The following CDH12 variants were observed in gnomAD, a reference collection of about 807,000 sequenced individuals.
CDH12 encodes the protein cadherin 12.
CDH12 carries 41 observed loss-of-function variants against 74.1 expected under a neutral mutation model. The ratio of observed to expected loss-of-function variants is 0.55; its 90% CI spans 0.43 to 0.72. The LOEUF (loss-of-function observed/expected upper bound fraction) is 0.72. CDH12 is among the 30% of genes least tolerant of loss of function. The pLI is 0.00. For synonymous variants in CDH12, 399 were observed against 355.0 expected, an observed-to-expected ratio of 1.12 and a Z score of -1.39; for missense variants, 945 against 977.2, an observed-to-expected ratio of 0.97 and a Z score of 0.44.
intron 1 of CDH12, among the ~76,000 whole-genome samples, chr5:22,565,296 A>C (rs575621079): frequency 1.6e-4 from 24 of 152,242 alleles, no homozygotes; most frequent in Admixed American, 1.2e-3. Context: ...TGATAGTTCT[A>C]GGTTTAGTTT....
intron 1 of CDH12, among the ~76,000 whole-genome samples, chr5:22,844,037 C>G (rs1482728198): frequency 6.6e-6 from 1 of 152,034 alleles, no homozygotes. Flanking sequence ...TATTTGTATA[C>G]AACCTGCCCA....
At chr5:21,888,803 T>C (rs1056383099) in intron 6 of CDH12, among the ~76,000 whole-genome samples, 1 of 152,028 alleles carries the variant, frequency 6.6e-6, no homozygotes, top group African/African-American at 2.4e-5. Flanking sequence ...TTTCTAAATA[T>C]TATTGATGTG....
At chr5:22,534,243 T>G (rs997681765) in intron 1 of CDH12, among the ~76,000 whole-genome samples, 2 of 152,014 alleles carry the variant, frequency 1.3e-5, no homozygotes, top group Admixed American at 1.3e-4. Flanking sequence ...ACAGGTGGTG[T>G]TTGGTTACAT....
chr5:21,874,202 G>T (rs1456844358), intron 6 of CDH12, among the ~76,000 whole-genome samples: 1 of 152,140 alleles, frequency 6.6e-6, no homozygotes, highest in African/African-American at 2.4e-5. Flanking sequence ...TTAAAAAGTG[G>T]TCAAAGGACA....
intron 6 of CDH12, among the ~76,000 whole-genome samples, chr5:21,947,438 G>A (rs980274410): frequency 1.3e-5 from 2 of 152,134 alleles, no homozygotes; most frequent in Non-Finnish European, 2.9e-5. Flanking sequence ...AGGTGGTCTT[G>A]GATGGAGAAG....
intron 1 of CDH12, among the ~76,000 whole-genome samples, chr5:22,545,553 A>G (rs749338072): frequency 3.9e-5 from 6 of 152,200 alleles, no homozygotes; most frequent in Non-Finnish European, 7.3e-5. Context: ...TGAAATAAGG[A>G]TACCAGCATT....
chr5:22,546,504 T>A (rs1042850394), intron 1 of CDH12, among the ~76,000 whole-genome samples: 1 of 152,212 alleles, frequency 6.6e-6, no homozygotes, highest in African/African-American at 2.4e-5. Flanking sequence ...ATTTAGATAA[T>A]GTTAGGCAAT....
intron 6 of CDH12, among the ~76,000 whole-genome samples, chr5:21,872,849 G>A (rs1217711073): frequency 7.7e-6 from 1 of 129,780 alleles, no homozygotes; most frequent in African/African-American, 2.9e-5. Context: ...ATTATCTATC[G>A]ATCTATCATC....
chr5:21,817,816 TAAGA>T (rs35947182), intron 8 of CDH12, among the ~76,000 whole-genome samples: 87,730 of 150,956 alleles, frequency 0.58, 28,397 homozygotes, highest in Non-Finnish European at 0.73. Flanking sequence ...TTAATAGCAT[TAAGA>T]AAGAAAAAAA....
intron 4 of CDH12, among the ~76,000 whole-genome samples, chr5:22,156,441 A>C (rs1310834084): frequency 3.9e-5 from 6 of 152,192 alleles, no homozygotes. Context: ...TTGATGAAAA[A>C]ATGCTAAGAT....
At chr5:22,595,695 C>G (rs997840830) in intron 1 of CDH12, among the ~76,000 whole-genome samples, 4 of 152,114 alleles carry the variant, frequency 2.6e-5, no homozygotes, top group Non-Finnish European at 4.4e-5. Flanking sequence ...TAGTCTTCAT[C>G]TTCAATATCC....
chr5:21,752,814 G>C (rs965292772), intron 14 of CDH12, among the ~76,000 whole-genome samples: 1 of 151,874 alleles, frequency 6.6e-6, no homozygotes, highest in Non-Finnish European at 1.5e-5. Context: ...GAAGGAAGTA[G>C]AGGAAGGAGG....
chr5:22,681,228 G>GTGTGT (rs869281805), intron 1 of CDH12, among the ~76,000 whole-genome samples: 2,393 of 105,778 alleles, frequency 0.023, 58 homozygotes, highest in African/African-American at 0.068. Flanking sequence ...GGTATTGGGG[G>GTGTGT]GTGTGTGTGT....
intron 4 of CDH12, among the ~76,000 whole-genome samples, chr5:22,115,160 T>A (rs1475427962): frequency 6.6e-6 from 1 of 152,198 alleles, no homozygotes; most frequent in Non-Finnish European, 1.5e-5. Context: ...ATGCTCTTGA[T>A]AGTATTGACA....
chr5:22,825,703 T>C (rs1736285242), intron 1 of CDH12, among the ~76,000 whole-genome samples: 1 of 152,162 alleles, frequency 6.6e-6, no homozygotes, highest in Non-Finnish European at 1.5e-5. Context: ...CTGTACACAA[T>C]TGGCTTGTAC....
At chr5:21,806,182 A>AC (rs1033051149) in intron 9 of CDH12, among the ~76,000 whole-genome samples, 3 of 152,096 alleles carry the variant, frequency 2.0e-5, no homozygotes, top group Non-Finnish European at 4.4e-5. Context: ...AAAATATTTT[A>AC]CCCCCCAAGA....
intron 3 of CDH12, among the ~76,000 whole-genome samples, chr5:22,235,597 A>T (rs1170841439): frequency 6.6e-6 from 1 of 152,044 alleles, no homozygotes; most frequent in Non-Finnish European, 1.5e-5. Context: ...AAAAATCAGA[A>T]AACCAAAACA....
chr5:22,355,541 T>TAA (rs1008814189), intron 3 of CDH12, among the ~76,000 whole-genome samples: 10 of 148,960 alleles, frequency 6.7e-5, no homozygotes, highest in African/African-American at 2.5e-4. Flanking sequence ...TATATATATA[T>TAA]AAAACTATCT....
intron 1 of CDH12, among the ~76,000 whole-genome samples, chr5:22,823,471 C>T (rs1312169991): frequency 6.6e-6 from 1 of 152,098 alleles, no homozygotes; most frequent in Non-Finnish European, 1.5e-5. Flanking sequence ...GCTCCTCCAT[C>T]ATGATTGTGA....
Sources: allele counts gnomAD v4.1 joint callset (sites outside exome capture counted in the v4.1 genomes callset), GRCh38; gene constraint gnomAD v4.1.1; transcripts MANE v1.5; gene names NCBI Gene and HGNC (gene_info 2026-07-23, HGNC 2026-07-21).